Variants in COG2 observed in about 807,000 individuals in gnomAD.
The protein encoded by COG2 is component of oligomeric golgi complex 2.
Under a neutral mutation model 90.6 loss-of-function variants are expected in COG2, and 52 were observed. The ratio of observed to expected loss-of-function variants is 0.57; its 90% confidence interval spans 0.46 to 0.72. The LOEUF is 0.72. COG2 is among the 30% of genes least tolerant of loss of function. The probability of loss-of-function intolerance (pLI) is 0.00; values close to 1 mark genes in which losing one functional copy is unlikely to be tolerated. For missense variants in COG2, 829 were observed against 891.2 expected (o/e 0.93, Z 0.89); for synonymous variants, 337 against 320.4 (o/e 1.05, Z -0.55).
At chr1:230,689,979 CTG>C in intron 15 of COG2, 33 bp from the exon 16 acceptor site, 1 of 1,530,078 alleles carries the variant, frequency 6.5e-7, no homozygotes, top group Non-Finnish European at 8.8e-7. Context: ...TGTTTTTTTC[CTG>C]TGCATCTTTA....
intron 13 of COG2, 39 bp from the exon 14 acceptor site, chr1:230,688,031 TA>T: frequency 7.1e-7 from 1 of 1,404,322 alleles, no homozygotes; most frequent in Middle Eastern, 1.8e-4. Context: ...CTTTGATTTA[TA>T]AAAAGTAACT....
chr1:230,678,156 T>C, intron 9 of COG2: 1 of 985,398 alleles, frequency 1.0e-6, no homozygotes, highest in Non-Finnish European at 1.2e-6. Context: ...CCTGGGGGCT[T>C]CGGGAATAAA....
intron 14 of COG2, 41 bp downstream of exon 14, chr1:230,688,184 A>G: frequency 1.4e-6 from 2 of 1,403,332 alleles, no homozygotes; most frequent in Non-Finnish European, 2.0e-6. Context: ...TGAATAAGAA[A>G]TGATTTAAAA....
At position 230,690,431 on chromosome 1, in the gene COG2, G is replaced by A. The variant is rs1350948199; in HGVS notation, c.1934+278G>A. On this transcript the variant is annotated intron_variant, in intron 16 of 17. Coordinates refer to ENST00000366669, the MANE Select transcript of COG2 (RefSeq NM_007357.3). ...CCAGGCCCTGCCTGCGTTCCCTGCA[G>A]GTGCCGTTCTCCCAGGTCCAGCCAC... 9 of 284,522 alleles carry A rather than the reference G, an allele frequency of 3.2e-5. No individual in the cohort carries two copies. In the East Asian group the frequency reaches 5.4e-4, roughly 17 times the overall value. The allele number at this position is 284,522 out of a possible 1,614,324, so 17.6% of individuals were successfully genotyped here. A position where few individuals can be genotyped will look rare whatever the true frequency, so the allele number is the denominator to read the frequency against.
chr1:230,659,312 C>G lies in COG2; in HGVS notation c.73-152C>G, dbSNP rs1057338743. 1.2e-5 allele frequency: 8 copies of G among 649,956 alleles called. No homozygotes were observed. In the Admixed American group the frequency reaches 1.5e-4, roughly 12 times the overall value. 40.3% of individuals were successfully genotyped at this position (649,956 alleles called of 1,614,324 possible). On this transcript the variant is annotated intron_variant, in intron 1 of 17. Transcript: ENST00000366669. ...TATAAAGCGGACAAACACCTTCATACTGTCATGTATAAGCCAAGATACTTT... is the reference window on the plus strand; with the variant it reads ...TATAAAGCGGACAAACACCTTCATAGTGTCATGTATAAGCCAAGATACTTT...
intron 1 of COG2, among the ~76,000 whole-genome samples, chr1:230,652,237 C>T (rs140860063): frequency 6.6e-4 from 100 of 152,302 alleles, no homozygotes; most frequent in Non-Finnish European, 1.2e-3. Flanking sequence ...CAGGCAACTA[C>T]GGATCTCTTT....
chr1:230,671,711 G>A lies in COG2; in HGVS notation c.899+71G>A, dbSNP rs992918025. On this transcript the variant is annotated intron_variant, in intron 8 of 17. Coordinates refer to ENST00000366669, the MANE Select transcript of COG2 (RefSeq NM_007357.3). ...CCGCACCTGCTAATTGCAGGTGCAC[G>A]ATGGACGATGACTGTCTTGTATGAA... 61 of 1,395,796 alleles carry A rather than the reference G, an allele frequency of 4.4e-5. No individual in the cohort carries two copies. In the East Asian group the frequency reaches 8.5e-4, roughly 20 times the overall value. The allele number at this position is 1,395,796 out of a possible 1,614,324, so 86.5% of individuals were successfully genotyped here.
chr1:230,688,850 A>G (rs779431556), intron 15 of COG2, among the ~76,000 whole-genome samples: 14 of 152,188 alleles, frequency 9.2e-5, no homozygotes, highest in Non-Finnish European at 1.9e-4. Context: ...TTCAGAAGAA[A>G]GCATTTTAAT....
chr1:230,675,320 CA>C (rs1202536378), intron 9 of COG2, among the ~76,000 whole-genome samples, 196 bp downstream of exon 9: 1 of 152,150 alleles, frequency 6.6e-6, no homozygotes, highest in Non-Finnish European at 1.5e-5. Flanking sequence ...GGAATAAGAA[CA>C]TTTTCATTTT....
chr1:230,675,163 A>T, intron 9 of COG2, 39 bp downstream of exon 9: 6 of 1,586,642 alleles, frequency 3.8e-6, no homozygotes, highest in Non-Finnish European at 4.3e-6. Flanking sequence ...TGAAGATGTT[A>T]ACCGGAGACT....
intron 15 of COG2, 79 bp downstream of exon 15, chr1:230,688,641 G>C: frequency 1.6e-3 from 2,195 of 1,375,668 alleles, no homozygotes; most frequent in Non-Finnish European, 2.1e-3. Flanking sequence ...AAGGAAGGAA[G>C]CGGCGGATTC....
chr1:230,651,211 G>C (rs754799447), intron 1 of COG2, among the ~76,000 whole-genome samples: 26 of 152,110 alleles, frequency 1.7e-4, no homozygotes, highest in Middle Eastern at 3.4e-3. Context: ...GGGGATTTGG[G>C]TTCTGTCCCT....
chr1:230,678,411 T>A, intron 9 of COG2: 1 of 985,418 alleles, frequency 1.0e-6, no homozygotes, highest in Non-Finnish European at 1.2e-6. Flanking sequence ...ATGCTACGAG[T>A]TAGCTGCCAC....
At chr1:230,664,714 G>T in intron 5 of COG2, 127 bp downstream of exon 5, 1 of 519,148 alleles carries the variant, frequency 1.9e-6, no homozygotes, top group Non-Finnish European at 3.3e-6. Flanking sequence ...TTTAAATGTA[G>T]CTCAAGCAAA....
At chr1:230,662,339 T>C (rs781360371) in intron 3 of COG2, among the ~76,000 whole-genome samples, 1 of 152,198 alleles carries the variant, frequency 6.6e-6, no homozygotes, top group African/African-American at 2.4e-5. Flanking sequence ...TGCATCCTCA[T>C]TGGCTTGCAC....
At chr1:230,653,303 C>T (rs921519795) in intron 1 of COG2, among the ~76,000 whole-genome samples, 2 of 151,620 alleles carry the variant, frequency 1.3e-5, no homozygotes, top group African/African-American at 4.9e-5. Context: ...TCACTGCAAC[C>T]TCTGCCTCCA....
intron 5 of COG2, 128 bp downstream of exon 5, chr1:230,664,715 C>G (rs898791170): frequency 3.9e-6 from 2 of 519,446 alleles, no homozygotes; most frequent in Non-Finnish European, 6.7e-6. Context: ...TTAAATGTAG[C>G]TCAAGCAAAG....
At chr1:230,686,892 C>G (rs372894375) in intron 12 of COG2, 43 bp from the exon 13 acceptor site, 33 of 1,278,358 alleles carry the variant, frequency 2.6e-5, no homozygotes, top group Admixed American at 1.2e-4. Flanking sequence ...GCTCATGTAT[C>G]TTGCTAGTGT....
intron 7 of COG2, chr1:230,670,077 A>G (rs1662412909): frequency 6.6e-6 from 1 of 152,554 alleles, no homozygotes; most frequent in Non-Finnish European, 1.5e-5. Context: ...GGAATATTCA[A>G]AGATCAAGGG....
Sources: allele counts gnomAD v4.1 joint callset (sites outside exome capture counted in the v4.1 genomes callset), GRCh38; gene constraint gnomAD v4.1.1; transcripts MANE v1.5; gene names NCBI Gene and HGNC (gene_info 2026-07-23, HGNC 2026-07-21).